The following TNIK variants were observed in gnomAD, a reference collection of about 807,000 sequenced individuals.
The protein encoded by TNIK is TRAF2 and NCK interacting kinase.
Under a neutral mutation model 191.3 loss-of-function variants are expected in TNIK, and 49 were observed. That is an observed-to-expected ratio of 0.26 (90% CI 0.20 to 0.32). TNIK has a LOEUF of 0.32. Among genes scored for constraint, TNIK ranks in the 10% least tolerant of loss-of-function variants. The pLI is 1.00. For missense variants in TNIK, 1,155 were observed against 1,702.3 expected (o/e 0.68, Z 5.66); for synonymous variants, 594 against 600.9 (o/e 0.99, Z 0.17).
chr3:171,420,127 T>C (rs1723575834), intron 1 of TNIK, among the ~76,000 whole-genome samples: 1 of 152,186 alleles, frequency 6.6e-6, no homozygotes, highest in African/African-American at 2.4e-5. Context: ...GCCTGACTTA[T>C]GAGGGTTTTT....
chr3:171,415,973 CAAAA>C (rs769531813), intron 1 of TNIK, among the ~76,000 whole-genome samples: 3 of 12,590 alleles, frequency 2.4e-4, no homozygotes, highest in African/African-American at 4.1e-4. Context: ...GAGACTGTCT[CAAAA>C]AAAAAAAAAA....
intron 4 of TNIK, among the ~76,000 whole-genome samples, chr3:171,196,833 C>G (rs1052270425): frequency 6.6e-6 from 1 of 152,120 alleles, no homozygotes; most frequent in African/African-American, 2.4e-5. Context: ...CGGCTCACTG[C>G]AAGCTCCACC....
At chr3:171,423,626 G>A (rs1294388869) in intron 1 of TNIK, among the ~76,000 whole-genome samples, 51 of 152,174 alleles carry the variant, frequency 3.4e-4, no homozygotes, top group Non-Finnish European at 4.9e-4. Context: ...TACTGGTACC[G>A]AAACAGAGAT....
At chr3:171,414,549 G>A (rs557650915) in intron 1 of TNIK, among the ~76,000 whole-genome samples, 1 of 152,298 alleles carries the variant, frequency 6.6e-6, no homozygotes, top group East Asian at 1.9e-4. Flanking sequence ...GCCCCAATCA[G>A]ATAACCAGGG....
chr3:171,080,510 C>T (rs1720534347), intron 27 of TNIK, among the ~76,000 whole-genome samples: 1 of 151,872 alleles, frequency 6.6e-6, no homozygotes, highest in Admixed American at 6.6e-5. Context: ...GATCTCGGCT[C>T]ACTGCAACCT....
At chr3:171,236,846 G>T (rs924547051) in intron 2 of TNIK, among the ~76,000 whole-genome samples, 2 of 152,126 alleles carry the variant, frequency 1.3e-5, no homozygotes, top group Non-Finnish European at 2.9e-5. Flanking sequence ...AATGCAGCCC[G>T]AAGCTGGCCC....
chr3:171,175,164 G>T, intron 9 of TNIK, 88 bp downstream of exon 9: 5 of 1,247,410 alleles, frequency 4.0e-6, no homozygotes, highest in Non-Finnish European at 5.8e-6. Flanking sequence ...CATTCTATCA[G>T]CAGGACCTAG....
At chr3:171,421,467 C>T (rs1723785309) in intron 1 of TNIK, among the ~76,000 whole-genome samples, 1 of 152,212 alleles carries the variant, frequency 6.6e-6, no homozygotes, top group Non-Finnish European at 1.5e-5. Flanking sequence ...GAGCTGTGAT[C>T]CAACTTGGAT....
intron 1 of TNIK, among the ~76,000 whole-genome samples, chr3:171,439,279 G>C (rs1726443369): frequency 6.6e-6 from 1 of 151,460 alleles, no homozygotes; most frequent in Admixed American, 6.6e-5. Flanking sequence ...GGGAGGCGGA[G>C]CTTGCAGTGA....
intron 2 of TNIK, among the ~76,000 whole-genome samples, chr3:171,257,488 TA>T (rs11334751): frequency 0.02 from 3,086 of 152,280 alleles, 104 homozygotes; most frequent in African/African-American, 0.071. Flanking sequence ...GTTCATGACA[TA>T]ATAACTATTG....
At chr3:171,408,631 A>G (rs1161950940) in intron 1 of TNIK, among the ~76,000 whole-genome samples, 1 of 152,134 alleles carries the variant, frequency 6.6e-6, no homozygotes, top group African/African-American at 2.4e-5. Context: ...TGGTGAGATA[A>G]GCTTGTTTAT....
chr3:171,211,320 A>AT (rs1291869052), intron 3 of TNIK, 79 bp from the exon 4 acceptor site: 3 of 1,478,886 alleles, frequency 2.0e-6, no homozygotes, highest in Non-Finnish European at 2.7e-6. Context: ...CACCATCTAA[A>AT]TTTTTTCTTG....
At chr3:171,145,212 G>A (rs1197515043) in intron 12 of TNIK, among the ~76,000 whole-genome samples, 3 of 151,326 alleles carry the variant, frequency 2.0e-5, no homozygotes, top group Admixed American at 6.6e-5. Context: ...TCAGCCTCCC[G>A]AGTAGCTGGG....
At position 171,441,917 on chromosome 3, in the gene TNIK, C is replaced by T. The variant is rs200140457; in HGVS notation, c.57+18090G>A. On this transcript the variant is annotated intron_variant, in intron 1 of 32. Coordinates refer to ENST00000436636, the MANE Select transcript of TNIK (RefSeq NM_015028.4). ...AGTTCACATGATCTCACAACTTATG[C>T]ACATTCCAAGTTTCACTTAAATGTA... 2.6e-5 allele frequency among the ~76,000 whole-genome samples: 4 copies of T among 152,166 alleles called. No individual in the cohort carries two copies. In the East Asian group the frequency reaches 7.7e-4, roughly 29 times the overall value.
intron 17 of TNIK, among the ~76,000 whole-genome samples, chr3:171,124,007 C>T (rs897491442): frequency 6.6e-6 from 1 of 152,018 alleles, no homozygotes; most frequent in Non-Finnish European, 1.5e-5. Context: ...AATAATTGAC[C>T]TCTCTTGGTT....
intron 2 of TNIK, among the ~76,000 whole-genome samples, chr3:171,317,621 G>A (rs1327225966): frequency 6.6e-6 from 1 of 152,154 alleles, no homozygotes; most frequent in Non-Finnish European, 1.5e-5. Flanking sequence ...CAGAGCGTGA[G>A]TGAACAGAAT....
intron 8 of TNIK, among the ~76,000 whole-genome samples, chr3:171,175,716 A>C (rs1476749523): frequency 6.6e-6 from 1 of 152,236 alleles, no homozygotes; most frequent in African/African-American, 2.4e-5. Flanking sequence ...TAAAAGCCTA[A>C]GCCATAAATA....
At chr3:171,308,979 A>G (rs1474079736) in intron 2 of TNIK, among the ~76,000 whole-genome samples, 1 of 152,210 alleles carries the variant, frequency 6.6e-6, no homozygotes, top group African/African-American at 2.4e-5. Context: ...CACTATGGAA[A>G]GCAGTTCGGT....
chr3:171,357,253 T>A (rs1417336059), intron 2 of TNIK, among the ~76,000 whole-genome samples: 1 of 152,102 alleles, frequency 6.6e-6, no homozygotes, highest in South Asian at 2.1e-4. Context: ...AACCTAAACA[T>A]ATCTCACTGA....
Sources: allele counts gnomAD v4.1 joint callset (sites outside exome capture counted in the v4.1 genomes callset), GRCh38; gene constraint gnomAD v4.1.1; transcripts MANE v1.5; gene names NCBI Gene and HGNC (gene_info 2026-07-23, HGNC 2026-07-21).